Variants in VEGFA observed in about 807,000 individuals in gnomAD.
VEGFA encodes vascular endothelial growth factor A, long form.
A neutral mutation model predicts 49.7 loss-of-function variants in VEGFA; 20 were observed. That is an observed-to-expected ratio of 0.40 (90% CI 0.28 to 0.58). VEGFA has a LOEUF of 0.58. Ranked by LOEUF, VEGFA falls within the 20% of genes least tolerant of loss-of-function variation. The probability of loss-of-function intolerance (pLI) is 0.40; values close to 1 mark genes in which losing one functional copy is unlikely to be tolerated. For synonymous variants in VEGFA, 219 were observed against 223.4 expected (o/e 0.98, Z 0.18); for missense variants, 505 against 553.5 (o/e 0.91, Z 0.88).
rs747071248 is a variant in VEGFA at position 43,777,671 on chromosome 6, C to T, written c.855+6C>T. On this transcript the variant is annotated splice_donor_region_variant and intron_variant, in intron 3 of 7. Coordinates refer to ENST00000672860, the MANE Select transcript of VEGFA (RefSeq NM_003376.6). The surrounding 1 kb of genome is among the most constrained non-coding windows in gnomAD (Gnocchi z 4.3). ...AGTCCAACATCACCATGCAGGTGGG[C>T]ATCTTTGGGAAGTGGGGCAAGGGGG... 1.3e-6 allele frequency: 2 copies of T among 1,561,980 alleles called. No individual in the cohort carries two copies. The highest frequency in any genetic ancestry group is 1.4e-5 in the African/African-American group (1 of 71,802).
rs1277055983 is a variant in VEGFA, at chr6:43,780,762, A to C, written c.993A>C (p.Gln331His). The C allele has an allele frequency of 6.2e-7, 1 of 1,613,940 alleles. No homozygotes were observed. The change falls in exon 6 of 8, where the codon CAA becomes CAC. Residue 331 changes from glutamine (Q) to histidine (H), a missense_variant. Transcript: ENST00000672860. ...CAGTTCGAGGAAAGGGAAAGGGGCA[A>C]AAACGAAAGCGCAAGAAATCCCGGT...
rs1763250448 is a variant in VEGFA, at chr6:43,770,617, A to T, written c.-90A>T. The T allele has an allele frequency of 6.9e-7, 1 of 1,453,278 alleles. No individual in the cohort carries two copies. Among genetic ancestry groups the T allele is most frequent in the Non-Finnish European group, 9.0e-7 (1 of 1,111,540 alleles). 90.0% of individuals were successfully genotyped at this position (1,453,278 alleles called of 1,614,324 possible). On this transcript the variant is annotated 5_prime_UTR_variant, in exon 1 of 8. Transcript: ENST00000672860. ...CGGGCGTGCGAGCAGCGAAAGCGAC[A>T]GGGGCAAAGTGAGTGACCTGCTTTT...
intron 6 of VEGFA, 134 bp from the exon 7 acceptor site, chr6:43,781,822 T>C: frequency 8.1e-7 from 1 of 1,240,478 alleles, no homozygotes; most frequent in Non-Finnish European, 1.1e-6. Context: ...GCTCGGATCC[T>C]TCCAGGGCCT....
rs374210528 is a variant in VEGFA, at chr6:43,780,848, GC to G, written c.1034+50del. 117 of 1,613,118 alleles carry G rather than the reference GC, an allele frequency of 7.3e-5. 4 individuals are homozygous for G. In the African/African-American group the frequency reaches 8.9e-4, roughly 12 times the overall value. Reference sequence around the variant, plus strand: ...TGTCTAATGCCCTGGAGCCTCCCTGGCCCCCAGTACAACCTCCGCCTGCCAT... The same window carrying G: ...TGTCTAATGCCCTGGAGCCTCCCTGGCCCCAGTACAACCTCCGCCTGCCAT... On this transcript the variant is annotated intron_variant, in intron 6 of 7. Coordinates refer to ENST00000672860, the MANE Select transcript of VEGFA (RefSeq NM_003376.6).
chr6:43,774,590 A>G, intron 2 of VEGFA, 198 bp downstream of exon 2: 1 of 642,300 alleles, frequency 1.6e-6, no homozygotes, highest in Admixed American at 2.7e-5. Flanking sequence ...TCTCTGCTAG[A>G]AGTAGGACTT....
rs538029256 is a variant in VEGFA, at chr6:43,770,329, C to T, written c.-378C>T. On this transcript the variant is annotated 5_prime_UTR_variant, in exon 1 of 8. Transcript: ENST00000672860. ...GTCAGCGGACTCACCGGCCAGGGCG[C>T]TCGGTGCTGGAATTTGATATTCATT... 7.1e-6 allele frequency: 2 copies of T among 280,130 alleles called. No individual in the cohort carries two copies. The highest frequency in any genetic ancestry group is 1.1e-4 in the East Asian group (2 of 18,700). 17.4% of individuals were successfully genotyped at this position (280,130 alleles called of 1,614,324 possible). A position where few individuals can be genotyped will look rare whatever the true frequency, so the allele number is the denominator to read the frequency against.
Position 43,773,705 on chromosome 6 carries a change from GA to G in VEGFA, c.607-632del. On this transcript the variant is annotated intron_variant, in intron 1 of 7. Transcript: ENST00000672860. The surrounding 1 kb of genome is among the most constrained non-coding windows in gnomAD (Gnocchi z 5.6). ...GCTCTGGAGAGATTTGTGTAGAGAG[GA>G]AAATGTGGTTCTCCCCCAGGGTCTC... The G allele has an allele frequency of 6.4e-6, 1 of 157,320 alleles. No homozygotes were observed. The highest frequency in any genetic ancestry group is 1.8e-4 in the South Asian group (1 of 5,510). The allele number at this position is 157,320 out of a possible 1,614,324, so 9.7% of individuals were successfully genotyped here.
intron 2 of VEGFA, 149 bp downstream of exon 2, chr6:43,774,541 G>T (rs1363125690): frequency 2.1e-6 from 2 of 946,442 alleles, no homozygotes; most frequent in Non-Finnish European, 3.3e-6. Context: ...GCACCACGAG[G>T]TTCACCCTCA....
At chr6:43,781,896 T>C in intron 6 of VEGFA, 60 bp from the exon 7 acceptor site, 2 of 1,606,550 alleles carry the variant, frequency 1.2e-6, no homozygotes, top group Admixed American at 1.7e-5. Context: ...CATGGTGATT[T>C]TTTTTCTCTC....
rs1034665595 is a variant in VEGFA, at chr6:43,770,327, C to A, written c.-380C>A. On this transcript the variant is annotated 5_prime_UTR_variant, in exon 1 of 8. Transcript: ENST00000672860. Reference sequence around the variant, plus strand: ...CGGTCAGCGGACTCACCGGCCAGGGCGCTCGGTGCTGGAATTTGATATTCA... The same window carrying A: ...CGGTCAGCGGACTCACCGGCCAGGGAGCTCGGTGCTGGAATTTGATATTCA... The A allele has an allele frequency of 7.2e-6, 2 of 277,834 alleles. No homozygotes were observed. The highest frequency in any genetic ancestry group is 2.2e-5 in the African/African-American group (1 of 46,480). The allele number at this position is 277,834 out of a possible 1,614,324, so 17.2% of individuals were successfully genotyped here. A position where few individuals can be genotyped will look rare whatever the true frequency, so the allele number is the denominator to read the frequency against.
chr6:43,778,633 G>A (rs755334379), intron 4 of VEGFA, 97 bp downstream of exon 4: 11 of 1,315,288 alleles, frequency 8.4e-6, no homozygotes, highest in Non-Finnish European at 1.1e-5. Flanking sequence ...CCCCCGTCCA[G>A]CTTCCCGCTA....
Position 43,771,200 on chromosome 6 carries a change from G to T in VEGFA, c.494G>T (p.Arg165Leu), listed in dbSNP as rs372731987. The T allele has an allele frequency of 6.2e-7, 1 of 1,600,460 alleles. No homozygotes were observed. Among genetic ancestry groups the T allele is most frequent in the Admixed American group, 1.7e-5 (1 of 59,364 alleles). Residue 165 changes from arginine to leucine, a missense_variant, in exon 1 of 8, where the codon CGG becomes CTG. Transcript: ENST00000672860. ...AGCGGGCCGCCCCACAGCCCGAGCC[G>T]GAGAGGGAGCGCGAGCCGCGCCGGC...
In VEGFA at chr6:43,770,923, G is replaced by A. The variant is rs1384210986; in HGVS notation, c.217G>A (p.Glu73Lys). 3 of 1,544,634 alleles carry A rather than the reference G, an allele frequency of 1.9e-6. No homozygotes were observed. The highest frequency in any genetic ancestry group is 2.6e-6 in the Non-Finnish European group (3 of 1,145,478). ...CGGAGGAGCCGTGGTCCGCGCGGGG[G>A]AAGCCGAGCCGAGCGGAGCCGCGAG... The change falls in exon 1 of 8, where the codon GAA (glutamate) becomes AAA (lysine). Residue 73 changes from glutamate (E) to lysine (K), a missense_variant. Transcript: ENST00000672860.
Position 43,770,828 on chromosome 6 carries a change from G to T in VEGFA, c.122G>T (p.Gly41Val). The T allele has an allele frequency of 6.6e-7, 1 of 1,525,140 alleles. No individual in the cohort carries two copies. The highest frequency in any genetic ancestry group is 8.8e-7 in the Non-Finnish European group (1 of 1,137,952). 94.5% of individuals were successfully genotyped at this position (1,525,140 alleles called of 1,614,324 possible). ...GGGCCGGAGCCCGCGCCCGGAGGCG[G>T]GGTGGAGGGGGTCGGGGCTCGCGGC... The change falls in exon 1 of 8, where the codon GGG becomes GTG. Residue 41 changes from glycine (G) to valine (V), a missense_variant. Gly to Val is a moderately radical substitution (Grantham distance 109). Transcript: ENST00000672860.
At chr6:43,779,492 A>G (rs993277769) in intron 5 of VEGFA, 1 of 369,034 alleles carries the variant, frequency 2.7e-6, no homozygotes, top group Non-Finnish European at 5.3e-6. Flanking sequence ...GGCAGGTAGG[A>G]TGGGGTGGGG....
intron 7 of VEGFA, 186 bp downstream of exon 7, chr6:43,782,273 C>A: frequency 1.1e-6 from 1 of 881,784 alleles, no homozygotes. Flanking sequence ...CTGTGGTGGG[C>A]TGCAGGCACT....
At position 43,777,520 on chromosome 6, in the gene VEGFA, C is replaced by A. The variant is rs1582497910; in HGVS notation, c.710C>A (p.Thr237Asn). ...CGCAGCTACTGCCATCCAATCGAGA[C>A]CCTGGTGGACATCTTCCAGGAGTAC... is the stretch of plus-strand genomic sequence containing the variant. The change falls in exon 3 of 8, where the codon ACC (threonine) becomes AAC (asparagine). Residue 237 changes from threonine (T) to asparagine (N), a missense_variant. By Grantham distance (65) the Thr-to-Asn change is moderately conservative. Coordinates refer to ENST00000672860, the MANE Select transcript of VEGFA (RefSeq NM_003376.6). The surrounding 1 kb of genome is among the most constrained non-coding windows in gnomAD (Gnocchi z 4.3). The A allele has an allele frequency of 1.4e-5, 22 of 1,614,182 alleles. No individual in the cohort carries two copies. Among genetic ancestry groups the A allele is most frequent in the Non-Finnish European group, 1.7e-5 (20 of 1,180,048 alleles).
chr6:43,777,312 G>T lies in VEGFA; in HGVS notation c.659-157G>T. 1 of 775,752 alleles carries T rather than the reference G, an allele frequency of 1.3e-6. No homozygotes were observed. The highest frequency in any genetic ancestry group is 2.2e-6 in the Non-Finnish European group (1 of 455,314). The allele number at this position is 775,752 out of a possible 1,614,324, so 48.1% of individuals were successfully genotyped here. ...TGTTGATGGTGGAAAGCTTAGGGAA[G>T]TGCTTCAAACACAGTAGGAGGGACT... On this transcript the variant is annotated intron_variant, in intron 2 of 7. Transcript: ENST00000672860. This position sits in a 1 kb window ranked among gnomAD's most constrained non-coding sequence, Gnocchi z 4.3.
At chr6:43,780,118 A>T in intron 5 of VEGFA, 7 of 208,458 alleles carry the variant, frequency 3.4e-5, no homozygotes, top group South Asian at 1.7e-4. Flanking sequence ...CTCCCAGTCC[A>T]GGTCGTGCTG....
Sources: allele counts gnomAD v4.1 joint callset, GRCh38; gene constraint gnomAD v4.1.1; non-coding constraint Gnocchi (gnomAD v3.1); transcripts MANE v1.5; gene names NCBI Gene and HGNC (gene_info 2026-07-23, HGNC 2026-07-21).